Variants in AGTPBP1 observed in about 807,000 individuals in gnomAD.
AGTPBP1 encodes the protein cytosolic carboxypeptidase 1.
A neutral mutation model predicts 143.9 loss-of-function variants in AGTPBP1; 70 were observed. The observed-to-expected ratio is 0.49, with a 90% CI of 0.40 to 0.59. The LOEUF (loss-of-function observed/expected upper bound fraction) is 0.59, where lower values mean the gene tolerates loss of function less well. Among genes scored for constraint, AGTPBP1 ranks in the 20% least tolerant of loss-of-function variants. The pLI is 0.00. For synonymous variants in AGTPBP1, 463 were observed against 500.2 expected, an observed-to-expected ratio of 0.93 and a Z score of 0.99; for missense variants, 1,229 against 1,464.5, an observed-to-expected ratio of 0.84 and a Z score of 2.62.
the AGTPBP1 span, among the ~76,000 whole-genome samples, chr9:85,762,420 A>C: frequency 2.0e-5 from 3 of 152,314 alleles, no homozygotes; most frequent in East Asian, 5.8e-4. Flanking sequence ...GTACATATAC[A>C]CCATGGAATA....
chr9:85,633,127 T>C lies in AGTPBP1; in HGVS notation c.1550A>G (p.Asn517Ser), dbSNP rs2133712485. The C allele has an allele frequency of 6.2e-7, 1 of 1,614,122 alleles. No homozygotes were observed. Among genetic ancestry groups the C allele is most frequent in the Non-Finnish European group, 8.5e-7 (1 of 1,180,002 alleles). The part of the protein sequence containing the change: ...RTLQQQPGDQ[N>S]RTISSVHGLN... The stretch of plus-strand genomic sequence containing the variant: ...ACCATGGACTGATGAAATAGTTCTA[T>C]TTTGATCACCTGGCTGCTGTTGTAA... Residue 517 changes from asparagine (N) to serine (S), a missense_variant, in exon 14 of 26, where the codon AAT becomes AGT. Asn to Ser is a conservative substitution (Grantham distance 46). This residue lies in a region of AGTPBP1 where 743 missense variants were observed against 812.2 expected (regional missense o/e 0.91). Coordinates refer to ENST00000357081, the MANE Select transcript of AGTPBP1 (RefSeq NM_001330701.2).
intron 3 of AGTPBP1, among the ~76,000 whole-genome samples, chr9:85,684,896 T>A (rs1176670282): frequency 6.6e-6 from 1 of 151,382 alleles, no homozygotes; most frequent in Non-Finnish European, 1.5e-5. Context: ...AGTAAAGAAG[T>A]ACACAATGAA....
At chr9:85,715,190 G>A (rs952729706) in intron 1 of AGTPBP1, among the ~76,000 whole-genome samples, 3 of 151,584 alleles carry the variant, frequency 2.0e-5, no homozygotes, top group Non-Finnish European at 2.9e-5. Flanking sequence ...AGGTTGCTGT[G>A]AGCTGAGATC....
At chr9:85,758,572 AG>A in the AGTPBP1 span, among the ~76,000 whole-genome samples, 1 of 152,178 alleles carries the variant, frequency 6.6e-6, no homozygotes, top group East Asian at 1.9e-4. Flanking sequence ...TGAACCTGAG[AG>A]GCAGACGTTG....
At chr9:85,771,893 T>C in the AGTPBP1 span, among the ~76,000 whole-genome samples, 1 of 151,934 alleles carries the variant, frequency 6.6e-6, no homozygotes, top group Non-Finnish European at 1.5e-5. Flanking sequence ...TCACCTGACC[T>C]CATGATCCGC....
In AGTPBP1 at chr9:85,619,203, T is replaced by C. The variant is rs527994028; in HGVS notation, c.2186+12A>G. On this transcript the variant is annotated intron_variant, in intron 16 of 25. Coordinates refer to ENST00000357081, the MANE Select transcript of AGTPBP1 (RefSeq NM_001330701.2). ...GTGCACATACAAAATGAGAAAATCTTAAGTGACTTACTTTCTAATTTGAAT... is the reference window on the plus strand; with the variant it reads ...GTGCACATACAAAATGAGAAAATCTCAAGTGACTTACTTTCTAATTTGAAT... The C allele has an allele frequency of 1.2e-6, 2 of 1,610,702 alleles. No individual in the cohort carries two copies. The highest frequency in any genetic ancestry group is 2.7e-5 in the African/African-American group (2 of 74,914).
chr9:85,785,958 CTA>C, the AGTPBP1 span: 1 of 591,724 alleles, frequency 1.7e-6, no homozygotes, highest in Non-Finnish European at 3.0e-6. Flanking sequence ...ATCTGTTCAT[CTA>C]AAATAAGTCA....
At position 85,586,969 on chromosome 9, in the gene AGTPBP1, A is replaced by G; in HGVS notation, c.2904-9T>C. 1 of 1,613,522 alleles carries G rather than the reference A, an allele frequency of 6.2e-7. No individual in the cohort carries two copies. Among genetic ancestry groups the G allele is most frequent in the East Asian group, 2.2e-5 (1 of 44,834 alleles). On this transcript the variant is annotated splice_polypyrimidine_tract_variant and intron_variant, in intron 21 of 25. Coordinates refer to ENST00000357081, the MANE Select transcript of AGTPBP1 (RefSeq NM_001330701.2). The stretch of plus-strand genomic sequence containing the variant: ...TTAAAGAACAGCGATGACTACATGT[A>G]CATAAACACAAAGACAGAAAAACAC...
intron 25 of AGTPBP1, among the ~76,000 whole-genome samples, chr9:85,555,395 C>T (rs1384316275): frequency 3.3e-5 from 5 of 152,028 alleles, no homozygotes; most frequent in Admixed American, 3.3e-4. Flanking sequence ...GTCAGGAAAT[C>T]GAGACCATCC....
At chr9:85,708,607 G>A (rs998813365) in intron 2 of AGTPBP1, among the ~76,000 whole-genome samples, 5 of 152,092 alleles carry the variant, frequency 3.3e-5, no homozygotes, top group South Asian at 4.2e-4. Context: ...GCACTGTGTC[G>A]GCTCACTGCA....
At chr9:85,587,466 C>G (rs1221674947) in intron 21 of AGTPBP1, among the ~76,000 whole-genome samples, 2 of 151,972 alleles carry the variant, frequency 1.3e-5, no homozygotes, top group Non-Finnish European at 2.9e-5. Flanking sequence ...AGTAGTAAAG[C>G]TATCATGCAA....
At chr9:85,739,000 A>C (rs1046986036) in intron 1 of AGTPBP1, among the ~76,000 whole-genome samples, 1 of 152,194 alleles carries the variant, frequency 6.6e-6, no homozygotes. Context: ...ATATTTGAGA[A>C]TATCTTAAGA....
chr9:85,697,669 T>G (rs923407105), intron 2 of AGTPBP1, among the ~76,000 whole-genome samples: 2 of 151,610 alleles, frequency 1.3e-5, no homozygotes, highest in African/African-American at 4.9e-5. Flanking sequence ...AGCCAGGATG[T>G]TCTCGATCTC....
At chr9:85,664,169 G>A (rs1269877409) in intron 8 of AGTPBP1, among the ~76,000 whole-genome samples, 2 of 152,274 alleles carry the variant, frequency 1.3e-5, no homozygotes, top group Admixed American at 6.5e-5. Flanking sequence ...GGCCAAAGGG[G>A]AGAAGCAAGG....
At chr9:85,635,441 T>TA (rs1831974882) in intron 13 of AGTPBP1, among the ~76,000 whole-genome samples, 1 of 152,156 alleles carries the variant, frequency 6.6e-6, no homozygotes, top group Admixed American at 6.6e-5. Flanking sequence ...AAGTTTGCAT[T>TA]AAAAAACACA....
At chr9:85,798,707 T>G in the AGTPBP1 span, among the ~76,000 whole-genome samples, 1 of 152,096 alleles carries the variant, frequency 6.6e-6, no homozygotes, top group Non-Finnish European at 1.5e-5. Flanking sequence ...GGTTCTGTCT[T>G]TCATGTAAGG....
intron 8 of AGTPBP1, among the ~76,000 whole-genome samples, chr9:85,667,431 A>G (rs2134029222): frequency 6.6e-6 from 1 of 152,254 alleles, no homozygotes. Context: ...TAAACACAGG[A>G]AAAAAATAAA....
At chr9:85,789,940 C>G in the AGTPBP1 span, among the ~76,000 whole-genome samples, 1 of 152,146 alleles carries the variant, frequency 6.6e-6, no homozygotes, top group Non-Finnish European at 1.5e-5. Context: ...TGATCTTTCA[C>G]TTATTTCCTT....
intron 1 of AGTPBP1, among the ~76,000 whole-genome samples, chr9:85,723,197 T>C (rs1020681760): frequency 6.6e-6 from 1 of 152,242 alleles, no homozygotes; most frequent in African/African-American, 2.4e-5. Flanking sequence ...GGAGAGCCAC[T>C]GCTCTCTTCA....
Sources: gnomAD v4.1 joint callset for allele counts (sites outside exome capture counted in the v4.1 genomes callset) on GRCh38, gnomAD v4.1.1 for gene constraint, gnomAD v4.1.1 regional missense constraint, MANE v1.5 for transcripts, NCBI Gene and HGNC (gene_info 2026-07-23, HGNC 2026-07-21) for gene names.